The following ERICH6B variants were observed in gnomAD, a reference collection of about 807,000 sequenced individuals.
ERICH6B encodes the protein glutamate rich 6B, also known as glutamate-rich protein 6B.
Under a neutral mutation model 80.0 loss-of-function variants are expected in ERICH6B, and 69 were observed. That is an observed-to-expected ratio of 0.86 (90% CI 0.71 to 1.05). The LOEUF is 1.05. Among genes scored for constraint, ERICH6B ranks in the 50% least tolerant of loss-of-function variants. ERICH6B has a pLI of 0.00. For synonymous variants in ERICH6B, 283 were observed against 291.9 expected, an observed-to-expected ratio of 0.97 and a Z score of 0.31; for missense variants, 754 against 796.1, an observed-to-expected ratio of 0.95 and a Z score of 0.64.
chr13:45,605,379 C>T (rs571046998), intron 2 of ERICH6B, among the ~76,000 whole-genome samples: 7 of 152,206 alleles, frequency 4.6e-5, no homozygotes, highest in Non-Finnish European at 8.8e-5. Flanking sequence ...AGTATGGTCC[C>T]GCTTCTTCTC....
At chr13:45,596,318 C>T (rs893854372) in intron 3 of ERICH6B, 51 bp downstream of exon 3, 27 of 1,500,544 alleles carry the variant, frequency 1.8e-5, no homozygotes, top group Non-Finnish European at 2.3e-5. Context: ...CCTTCTTTCC[C>T]TTTCAGATAC....
At chr13:45,568,993 T>A (rs1441275067) in intron 8 of ERICH6B, among the ~76,000 whole-genome samples, 1 of 152,226 alleles carries the variant, frequency 6.6e-6, no homozygotes, top group African/African-American at 2.4e-5. Context: ...ATTCTACAAA[T>A]GGCCAAGCTC....
chr13:45,595,601 G>A (rs1012246542), intron 3 of ERICH6B, among the ~76,000 whole-genome samples: 2 of 151,580 alleles, frequency 1.3e-5, no homozygotes, highest in African/African-American at 4.8e-5. Context: ...TATCAAATCT[G>A]ATAGTCAAGT....
At chr13:45,567,258 A>G (rs572491058) in intron 9 of ERICH6B, among the ~76,000 whole-genome samples, 12 of 152,280 alleles carry the variant, frequency 7.9e-5, no homozygotes, top group Admixed American at 3.3e-4. Flanking sequence ...GAGACTTCGG[A>G]CTGTAAACTT....
chr13:45,558,540 C>A (rs1270805870), intron 11 of ERICH6B, among the ~76,000 whole-genome samples: 2 of 152,174 alleles, frequency 1.3e-5, no homozygotes, highest in Admixed American at 6.5e-5. Flanking sequence ...TTCAACCTTT[C>A]CCCATTCAGT....
At chr13:45,572,988 G>A (rs758997461) in intron 8 of ERICH6B, among the ~76,000 whole-genome samples, 16 of 152,014 alleles carry the variant, frequency 1.1e-4, no homozygotes, top group East Asian at 3.9e-4. Flanking sequence ...ATGCCCTCTC[G>A]GTGGGAATAG....
intron 11 of ERICH6B, 126 bp downstream of exon 11, chr13:45,561,243 T>C: frequency 2.1e-6 from 2 of 934,338 alleles, no homozygotes; most frequent in Non-Finnish European, 3.1e-6. Context: ...TCTGATATCT[T>C]GGATGCATTT....
chr13:45,573,163 ATATT>A (rs1189270184), intron 8 of ERICH6B, among the ~76,000 whole-genome samples: 1 of 152,206 alleles, frequency 6.6e-6, no homozygotes, highest in Non-Finnish European at 1.5e-5. Context: ...GAATACATAT[ATATT>A]TATATGTACA....
intron 5 of ERICH6B, among the ~76,000 whole-genome samples, chr13:45,585,102 T>C (rs1875844058): frequency 6.6e-6 from 1 of 152,184 alleles, no homozygotes; most frequent in Non-Finnish European, 1.5e-5. Context: ...ATTTGGGACT[T>C]TCATCAGAGT....
At chr13:45,606,523 ATATATATATATATATATATATATATTT>A (rs1169992027) in intron 2 of ERICH6B, among the ~76,000 whole-genome samples, 1,357 of 34,382 alleles carry the variant, frequency 0.039, 46 homozygotes, top group South Asian at 0.052. Flanking sequence ...ATATATATAT[ATATATATATATATATATATATATATTT>A]TTTTTTTTTT....
intron 8 of ERICH6B, among the ~76,000 whole-genome samples, chr13:45,569,521 G>C (rs985294341): frequency 6.6e-6 from 1 of 152,212 alleles, no homozygotes; most frequent in African/African-American, 2.4e-5. Context: ...ACAAGAGTTT[G>C]TGTTTTGGAT....
chr13:45,585,363 G>C (rs1026984845), intron 5 of ERICH6B, among the ~76,000 whole-genome samples: 3 of 152,120 alleles, frequency 2.0e-5, no homozygotes, highest in African/African-American at 7.2e-5. Flanking sequence ...CCCAGGAGCT[G>C]CTAAATCTAT....
chr13:45,547,926 C>A (rs1020285443), intron 13 of ERICH6B, among the ~76,000 whole-genome samples: 7 of 152,150 alleles, frequency 4.6e-5, no homozygotes, highest in African/African-American at 1.7e-4. Flanking sequence ...TGGGCTAAGT[C>A]CCCCTTTGGA....
intron 4 of ERICH6B, among the ~76,000 whole-genome samples, chr13:45,588,420 G>C (rs1469481238): frequency 6.6e-6 from 1 of 152,192 alleles, no homozygotes; most frequent in African/African-American, 2.4e-5. Flanking sequence ...TCCTAGGGCA[G>C]GTGACCGCAG....
intron 1 of ERICH6B, among the ~76,000 whole-genome samples, chr13:45,609,231 G>C (rs1254539379): frequency 6.6e-6 from 1 of 152,044 alleles, no homozygotes; most frequent in African/African-American, 2.4e-5. Context: ...GCCCTCCTGG[G>C]CCGACCCAAG....
At chr13:45,579,504 CT>C (rs1320793260) in intron 7 of ERICH6B, among the ~76,000 whole-genome samples, 1 of 152,130 alleles carries the variant, frequency 6.6e-6, no homozygotes, top group Admixed American at 6.5e-5. Flanking sequence ...AACCAGCCCC[CT>C]CTTAATAAAC....
chr13:45,558,432 C>T (rs908086942), intron 11 of ERICH6B, among the ~76,000 whole-genome samples: 2 of 152,132 alleles, frequency 1.3e-5, no homozygotes, highest in African/African-American at 2.4e-5. Context: ...CTTTCTTTCT[C>T]TTGTCTGATT....
In ERICH6B at chr13:45,614,426, CA is replaced by C. The variant is rs531150423; in HGVS notation, c.-111+1258del. 5.0e-3 allele frequency among the ~76,000 whole-genome samples: 763 copies of C among 152,274 alleles called. 3 individuals are homozygous for C. Among genetic ancestry groups the C allele is most frequent in the African/African-American group, 0.017 (701 of 41,536 alleles). ...TGTCAGGCACGTAGCAGGATTTCAACAGAAGGATGTGGATCGAATGGATGAT... is the reference window on the plus strand; with the variant it reads ...TGTCAGGCACGTAGCAGGATTTCAACGAAGGATGTGGATCGAATGGATGAT... On this transcript the variant is annotated intron_variant, in intron 1 of 14. Coordinates refer to ENST00000298738, the MANE Select transcript of ERICH6B (RefSeq NM_182542.3).
rs145066999 is a variant in ERICH6B at position 45,564,951 on chromosome 13, A to G, written c.1188-1163T>C. On this transcript the variant is annotated intron_variant, in intron 9 of 14. Coordinates refer to ENST00000298738, the MANE Select transcript of ERICH6B (RefSeq NM_182542.3). ...GGAATCCCCATCAGGCGGCTCTTCA[A>G]TACCAGAGACTGGGGTGCACTCTAC... 3.8e-4 allele frequency among the ~76,000 whole-genome samples: 58 copies of G among 152,312 alleles called. 2 individuals carry two copies. In the East Asian group the frequency reaches 8.1e-3, roughly 21 times the overall value.
Sources: gnomAD v4.1 joint callset for allele counts (sites outside exome capture counted in the v4.1 genomes callset) on GRCh38, gnomAD v4.1.1 for gene constraint, MANE v1.5 for transcripts, NCBI Gene and HGNC (gene_info 2026-07-23, HGNC 2026-07-21) for gene names.